Variants in DGKI observed in about 807,000 individuals in gnomAD.
DGKI encodes DAG kinase iota.
Under a neutral mutation model 147.5 loss-of-function variants are expected in DGKI, and 55 were observed. The observed-to-expected ratio is 0.37, with a 90% CI of 0.30 to 0.47. The LOEUF is 0.47. Among genes scored for constraint, DGKI ranks in the 20% least tolerant of loss-of-function variants. The pLI is 1.00. For missense variants in DGKI, 1,007 were observed against 1,323.8 expected, an observed-to-expected ratio of 0.76 and a Z score of 3.71; for synonymous variants, 469 against 477.1, an observed-to-expected ratio of 0.98 and a Z score of 0.22.
intron 23 of DGKI, among the ~76,000 whole-genome samples, chr7:137,484,506 G>C (rs774669587): frequency 6.6e-6 from 1 of 152,040 alleles, no homozygotes; most frequent in Non-Finnish European, 1.5e-5. Flanking sequence ...CTCTTAACAG[G>C]GCAGGGTAAG....
At chr7:137,577,150 T>C in intron 17 of DGKI, 72 bp downstream of exon 17, 2 of 1,071,664 alleles carry the variant, frequency 1.9e-6, no homozygotes, top group Non-Finnish European at 2.8e-6. Context: ...ATATATAAAC[T>C]AAGTATTTGG....
chr7:137,517,510 C>T (rs998378595), intron 21 of DGKI, among the ~76,000 whole-genome samples: 1 of 151,866 alleles, frequency 6.6e-6, no homozygotes, highest in African/African-American at 2.4e-5. Flanking sequence ...ATATGGTATC[C>T]TAGATTTGAT....
chr7:137,449,002 T>C (rs1813842705), intron 27 of DGKI, among the ~76,000 whole-genome samples: 1 of 152,130 alleles, frequency 6.6e-6, no homozygotes, highest in African/African-American at 2.4e-5. Context: ...AAGATACAAA[T>C]AAATGGAAAG....
intron 1 of DGKI, among the ~76,000 whole-genome samples, chr7:137,787,369 TC>T (rs534680196): frequency 1.5e-3 from 230 of 152,254 alleles, no homozygotes; most frequent in African/African-American, 5.2e-3. Context: ...GGAAAAATGC[TC>T]AGCATCACTA....
intron 1 of DGKI, among the ~76,000 whole-genome samples, chr7:137,765,917 T>A (rs1796002959): frequency 6.6e-6 from 1 of 152,050 alleles, no homozygotes; most frequent in Admixed American, 6.5e-5. Context: ...GTCACATCTA[T>A]ACCTTACACT....
In DGKI at chr7:137,755,765, C is replaced by G. The variant is rs534764800; in HGVS notation, c.402-65763G>C. Among the ~76,000 whole-genome samples, 8 of 152,188 alleles carry G rather than the reference C, an allele frequency of 5.3e-5. No individual in the cohort carries two copies. In the South Asian group the frequency reaches 1.7e-3, roughly 32 times the overall value. On this transcript the variant is annotated intron_variant, in intron 1 of 32. Coordinates refer to ENST00000614521, the MANE Select transcript of DGKI (RefSeq NM_001321708.2). ...ATGGATGAGGAAGAGGCTAAACAAACTGTAGGAGGAGAAACAACCAACTGC... is the reference window on the plus strand; with the variant it reads ...ATGGATGAGGAAGAGGCTAAACAAAGTGTAGGAGGAGAAACAACCAACTGC...
At chr7:137,486,790 T>G (rs576019282) in intron 22 of DGKI, among the ~76,000 whole-genome samples, 2 of 152,154 alleles carry the variant, frequency 1.3e-5, no homozygotes, top group African/African-American at 2.4e-5. Flanking sequence ...TATTTACCTA[T>G]GTATAACATG....
intron 1 of DGKI, among the ~76,000 whole-genome samples, chr7:137,800,120 T>C (rs1046631407): frequency 6.6e-6 from 1 of 152,096 alleles, no homozygotes; most frequent in African/African-American, 2.4e-5. Flanking sequence ...GGATTCCAAT[T>C]TCCCCCCTAT....
intron 10 of DGKI, among the ~76,000 whole-genome samples, chr7:137,602,358 A>G (rs962968686): frequency 6.6e-6 from 1 of 152,242 alleles, no homozygotes; most frequent in East Asian, 1.9e-4. Context: ...ATTTCTCTAA[A>G]AGGTCCGAGT....
intron 2 of DGKI, among the ~76,000 whole-genome samples, chr7:137,686,736 G>A (rs1823431819): frequency 6.6e-6 from 1 of 152,190 alleles, no homozygotes; most frequent in Non-Finnish European, 1.5e-5. Context: ...TATAGTCTAT[G>A]CGCACTAAAT....
At chr7:137,763,425 A>T (rs192270555) in intron 1 of DGKI, among the ~76,000 whole-genome samples, 1 of 152,232 alleles carries the variant, frequency 6.6e-6, no homozygotes, top group Non-Finnish European at 1.5e-5. Context: ...CCTAAAAAGA[A>T]ATCATGCTGC....
chr7:137,664,101 G>C (rs1822543719), intron 3 of DGKI, among the ~76,000 whole-genome samples: 1 of 152,200 alleles, frequency 6.6e-6, no homozygotes, highest in Non-Finnish European at 1.5e-5. Flanking sequence ...GTGCGGCTGG[G>C]TGCAGTGATT....
intron 1 of DGKI, among the ~76,000 whole-genome samples, chr7:137,812,584 A>G (rs1375848298): frequency 6.6e-6 from 1 of 152,204 alleles, no homozygotes; most frequent in Non-Finnish European, 1.5e-5. Flanking sequence ...CTAAAATTTG[A>G]TATCTTAATG....
Position 137,467,893 on chromosome 7 carries a change from A to G in DGKI, c.2444-951T>C, listed in dbSNP as rs1246846807. ...CAGCTACTTGGGAGGCTGAAGTAGGAGGATTGCCTGAGCCCAGGAGTTCAA... is the reference window on the plus strand; with the variant it reads ...CAGCTACTTGGGAGGCTGAAGTAGGGGGATTGCCTGAGCCCAGGAGTTCAA... On this transcript the variant is annotated intron_variant, in intron 24 of 32. Transcript: ENST00000614521. 2.6e-5 allele frequency among the ~76,000 whole-genome samples: 4 copies of G among 151,778 alleles called. No individual in the cohort carries two copies. The East Asian group carries it at 7.8e-4, about 29-fold the overall frequency.
chr7:137,714,886 C>T (rs1485664944), intron 1 of DGKI, among the ~76,000 whole-genome samples: 1 of 152,154 alleles, frequency 6.6e-6, no homozygotes, highest in Non-Finnish European at 1.5e-5. Flanking sequence ...GTCTTTCCAC[C>T]AGGAAAAGTA....
At chr7:137,845,577 A>C (rs1229611593) in intron 1 of DGKI, among the ~76,000 whole-genome samples, 2 of 152,184 alleles carry the variant, frequency 1.3e-5, no homozygotes, top group African/African-American at 2.4e-5. Flanking sequence ...CAACTCTCCA[A>C]ACCTGTCAAT....
chr7:137,552,611 A>G (rs778947715), intron 19 of DGKI, 43 bp from the exon 20 acceptor site: 2 of 1,602,778 alleles, frequency 1.2e-6, no homozygotes, highest in Non-Finnish European at 8.5e-7. Context: ...GTTAGTTATT[A>G]TTTAAGAAAG....
At chr7:137,735,464 C>A (rs937712660) in intron 1 of DGKI, among the ~76,000 whole-genome samples, 1 of 152,008 alleles carries the variant, frequency 6.6e-6, no homozygotes, top group Non-Finnish European at 1.5e-5. Context: ...TTTGTGCTCC[C>A]CAGGACCCTG....
intron 1 of DGKI, among the ~76,000 whole-genome samples, chr7:137,706,477 CTTATT>C (rs147205940): frequency 0.32 from 47,550 of 147,402 alleles, 8,362 homozygotes; most frequent in South Asian, 0.49. Flanking sequence ...CCAAAACATC[CTTATT>C]TTATTTTATT....
Sources: allele counts gnomAD v4.1 joint callset (sites outside exome capture counted in the v4.1 genomes callset), GRCh38; gene constraint gnomAD v4.1.1; transcripts MANE v1.5; gene names NCBI Gene and HGNC (gene_info 2026-07-23, HGNC 2026-07-21).